POFUT2: variants seen among roughly 807,000 people sequenced by gnomAD.
POFUT2 encodes GDP-fucose protein O-fucosyltransferase 2.
Under a neutral mutation model 55.0 loss-of-function variants are expected in POFUT2, and 30 were observed. That is an observed-to-expected ratio of 0.55 (90% CI 0.41 to 0.74). POFUT2 has a LOEUF of 0.74. Ranked by LOEUF, POFUT2 falls within the 30% of genes least tolerant of loss-of-function variation. The pLI, the probability that POFUT2 is intolerant of heterozygous loss-of-function variation, is 0.00. For missense variants in POFUT2, 524 were observed against 562.6 expected, an observed-to-expected ratio of 0.93 and a Z score of 0.69; for synonymous variants, 267 against 231.1, an observed-to-expected ratio of 1.16 and a Z score of -1.41.
intron 1 of POFUT2, among the ~76,000 whole-genome samples, chr21:45,286,991 G>A (rs1229378601): frequency 2.0e-5 from 3 of 152,130 alleles, no homozygotes; most frequent in Non-Finnish European, 4.4e-5. Flanking sequence ...CGTGTCACTT[G>A]CAGGGGCCTC....
chr21:45,268,819 T>A (rs1602157795), intron 7 of POFUT2, among the ~76,000 whole-genome samples: 1 of 128,020 alleles, frequency 7.8e-6, no homozygotes, highest in Non-Finnish European at 1.6e-5. Context: ...GGTGGGGGGG[T>A]CAGCCCTCCG....
In POFUT2 at chr21:45,267,972, CTCTCCCTCTCCT is replaced by C. The variant is rs900323378; in HGVS notation, c.1013-271_1013-260del. Among the ~76,000 whole-genome samples, 14 of 152,120 alleles carry C rather than the reference CTCTCCCTCTCCT, an allele frequency of 9.2e-5. No homozygotes were observed. Among genetic ancestry groups the C allele is most frequent in the Non-Finnish European group, 1.5e-4 (10 of 67,966 alleles). On this transcript the variant is annotated intron_variant, in intron 7 of 8. Coordinates refer to ENST00000349485, the MANE Select transcript of POFUT2 (RefSeq NM_133635.6). The surrounding 1 kb of genome is among the most constrained non-coding windows in gnomAD (Gnocchi z 4.4). ...AGAAGAAAGGAAAGAAACGTGCTCC[CTCTCCCTCTCCT>C]TCTCCCTCTCCCTCTCCCCACGGTC...
chr21:45,274,622 C>G (rs1481651948), intron 6 of POFUT2, among the ~76,000 whole-genome samples: 2 of 152,108 alleles, frequency 1.3e-5, no homozygotes, highest in Non-Finnish European at 2.9e-5. Context: ...GGTACCTAGA[C>G]CAGTGGAGCA....
Position 45,267,761 on chromosome 21 carries a change from G to A in POFUT2, c.1013-48C>T. On this transcript the variant is annotated intron_variant, in intron 7 of 8. Coordinates refer to ENST00000349485, the MANE Select transcript of POFUT2 (RefSeq NM_133635.6). The surrounding 1 kb of genome is among the most constrained non-coding windows in gnomAD (Gnocchi z 4.4). ...CTTTGAACCGGGATCCTCCAGTAAG[G>A]ACAGATACGTGACTCTTTAGCAGAC... The A allele has an allele frequency of 6.5e-7, 1 of 1,538,870 alleles. No individual in the cohort carries two copies. Among genetic ancestry groups the A allele is most frequent in the Non-Finnish European group, 9.0e-7 (1 of 1,115,894 alleles).
rs1237096419 is a variant in POFUT2 at position 45,267,087 on chromosome 21, C to T, written c.1136+503G>A. On this transcript the variant is annotated intron_variant, in intron 8 of 8. Coordinates refer to ENST00000349485, the MANE Select transcript of POFUT2 (RefSeq NM_133635.6). This position sits in a 1 kb window ranked among gnomAD's most constrained non-coding sequence, Gnocchi z 4.4. ...ACGCTCCCGGCCTCGGGGACGCTCA[C>T]GGCAGCCCCACAAGAACGATCACAC... The T allele has an allele frequency of 8.0e-6, 9 of 1,128,830 alleles. No individual in the cohort carries two copies. The highest frequency in any genetic ancestry group is 4.4e-5 in the South Asian group (2 of 45,856). 69.9% of individuals were successfully genotyped at this position (1,128,830 alleles called of 1,614,324 possible). A position where few individuals can be genotyped will look rare whatever the true frequency, so the allele number is the denominator to read the frequency against.
rs1013431991 is a variant in POFUT2 at position 45,265,713 on chromosome 21, G to T, written c.1137-78C>A. On this transcript the variant is annotated intron_variant, in intron 8 of 8. Coordinates refer to ENST00000349485, the MANE Select transcript of POFUT2 (RefSeq NM_133635.6). The surrounding 1 kb of genome is among the most constrained non-coding windows in gnomAD (Gnocchi z 4.6). ...TTCCAGAGTCAGGGAGAACTGAGAG[G>T]AGCAGCTGAGTGAAATGAGTTCCAC... 126 of 1,529,698 alleles carry T rather than the reference G, an allele frequency of 8.2e-5. 1 individual carries two copies. Among genetic ancestry groups the T allele is most frequent in the Non-Finnish European group, 1.1e-4 (124 of 1,143,748 alleles). 94.8% of individuals were successfully genotyped at this position (1,529,698 alleles called of 1,614,324 possible).
chr21:45,267,606 T>C lies in POFUT2; in HGVS notation c.1120A>G (p.Ile374Val). The C allele has an allele frequency of 6.2e-7, 1 of 1,614,156 alleles. No individual in the cohort carries two copies. The highest frequency in any genetic ancestry group is 8.5e-7 in the Non-Finnish European group (1 of 1,180,030). ...GGCAGGCACCTGGCGTGTGCGCAGATCCACTGGTCAATAATCGCAACGCCT... is the reference window on the plus strand; with the variant it reads ...GGCAGGCACCTGGCGTGTGCGCAGACCCACTGGTCAATAATCGCAACGCCT... ...DGGVAIIDQW[I>V]CAHARFFIGT... Residue 374 changes from isoleucine to valine, a missense_variant, in exon 8 of 9, where the codon ATC becomes GTC. Transcript: ENST00000349485. This position sits in a 1 kb window ranked among gnomAD's most constrained non-coding sequence, Gnocchi z 4.4.
At position 45,265,927 on chromosome 21, in the gene POFUT2, C is replaced by T; in HGVS notation, c.1137-292G>A. ...CCCACCGCATGTCCCCCTGGGAGCC[C>T]TCCTCTCCGTCACCAAATCCCAGGC... On this transcript the variant is annotated intron_variant, in intron 8 of 8. Coordinates refer to ENST00000349485, the MANE Select transcript of POFUT2 (RefSeq NM_133635.6). This position sits in a 1 kb window ranked among gnomAD's most constrained non-coding sequence, Gnocchi z 4.6. 7.8e-7 allele frequency: 1 copy of T among 1,283,304 alleles called. No individual in the cohort carries two copies. The highest frequency in any genetic ancestry group is 1.0e-6 in the Non-Finnish European group (1 of 1,002,200). The allele number at this position is 1,283,304 out of a possible 1,614,324, so 79.5% of individuals were successfully genotyped here. A position where few individuals can be genotyped will look rare whatever the true frequency, so the allele number is the denominator to read the frequency against.
Position 45,277,654 on chromosome 21 carries a change from C to T in POFUT2, c.705+449G>A, listed in dbSNP as rs1171731165. On this transcript the variant is annotated intron_variant, in intron 5 of 8. Coordinates refer to ENST00000349485, the MANE Select transcript of POFUT2 (RefSeq NM_133635.6). This position sits in a 1 kb window ranked among gnomAD's most constrained non-coding sequence, Gnocchi z 6.9. Reference sequence around the variant, plus strand: ...GTCCACGGGAGGGGGCAGCCACTTCCCGCCCTCTGCTCCCACTCACTCACA... The same window carrying T: ...GTCCACGGGAGGGGGCAGCCACTTCTCGCCCTCTGCTCCCACTCACTCACA... 4.4e-6 allele frequency: 1 copy of T among 225,434 alleles called. No homozygotes were observed. The highest frequency in any genetic ancestry group is 8.9e-6 in the Non-Finnish European group (1 of 112,540). 14.0% of individuals were successfully genotyped at this position (225,434 alleles called of 1,614,324 possible).
intron 8 of POFUT2, chr21:45,266,967 A>C: frequency 9.7e-7 from 1 of 1,029,312 alleles, no homozygotes; most frequent in Non-Finnish European, 1.2e-6. Context: ...CGTACCTCCC[A>C]CAGCAACCCC....
At chr21:45,278,880 T>A (rs1459238703) in intron 4 of POFUT2, among the ~76,000 whole-genome samples, 2 of 152,168 alleles carry the variant, frequency 1.3e-5, no homozygotes, top group African/African-American at 2.4e-5. Flanking sequence ...GTCTGACAAG[T>A]CATCCTGGTG....
rs73910608 is a variant in POFUT2 at position 45,283,495 on chromosome 21, C to G, written c.415G>C (p.Val139Leu). The change falls in exon 3 of 9, where the codon GTC becomes CTC. Residue 139 changes from valine (V) to leucine (L), a missense_variant. By Grantham distance (32) the Val-to-Leu change is conservative (BLOSUM62 1). Transcript: ENST00000349485. ...CACCCCTCTGCGTAACTTTGCAGGA[C>G]GTAAACCTGGTCAATAAAGGGCCCA... ...SGGPFIDQVY[V>L]LQSYAEGWKE... 1 of 1,613,860 alleles carries G rather than the reference C, an allele frequency of 6.2e-7. No individual in the cohort carries two copies. The highest frequency in any genetic ancestry group is 8.5e-7 in the Non-Finnish European group (1 of 1,179,924).
At chr21:45,283,795 T>C (rs113908111) in intron 2 of POFUT2, among the ~76,000 whole-genome samples, 2,332 of 152,140 alleles carry the variant, frequency 0.015, 67 homozygotes, top group African/African-American at 0.054. Flanking sequence ...GCAGGCCCCA[T>C]CCTCACAGGG....
At position 45,267,063 on chromosome 21, in the gene POFUT2, C is replaced by T. The variant is rs967069161; in HGVS notation, c.1136+527G>A. 1.1e-4 allele frequency: 121 copies of T among 1,100,060 alleles called. No individual in the cohort carries two copies. In the Middle Eastern group the frequency reaches 1.7e-3, roughly 16 times the overall value. The allele number at this position is 1,100,060 out of a possible 1,614,324, so 68.1% of individuals were successfully genotyped here. Reference sequence around the variant, plus strand: ...ACGAGAATGATCACACGAGGGCCCACGCTCCCGGCCTCGGGGACGCTCACG... The same window carrying T: ...ACGAGAATGATCACACGAGGGCCCATGCTCCCGGCCTCGGGGACGCTCACG... On this transcript the variant is annotated intron_variant, in intron 8 of 8. Coordinates refer to ENST00000349485, the MANE Select transcript of POFUT2 (RefSeq NM_133635.6). This position sits in a 1 kb window ranked among gnomAD's most constrained non-coding sequence, Gnocchi z 4.4.
intron 7 of POFUT2, among the ~76,000 whole-genome samples, chr21:45,268,930 T>C (rs370534643): frequency 5.5e-4 from 43 of 77,844 alleles, no homozygotes; most frequent in South Asian, 2.0e-3. Flanking sequence ...GCCCCCCGCC[T>C]GGCCAGCCGC....
chr21:45,266,378 C>G, intron 8 of POFUT2: 1 of 1,256,186 alleles, frequency 8.0e-7, no homozygotes, highest in Non-Finnish European at 1.0e-6. Flanking sequence ...ACCCCACACA[C>G]AGGGGCCTGC....
intron 4 of POFUT2, among the ~76,000 whole-genome samples, 192 bp from the exon 5 acceptor site, chr21:45,278,361 G>GCC (rs1336117432): frequency 1.3e-5 from 2 of 152,210 alleles, no homozygotes; most frequent in Non-Finnish European, 2.9e-5. Flanking sequence ...CCACACCACG[G>GCC]TTCTGAGAGG....
At position 45,265,433 on chromosome 21, in the gene POFUT2, C is replaced by T. The variant is rs769652085; in HGVS notation, c.*49G>A. 2 of 1,519,102 alleles carry T rather than the reference C, an allele frequency of 1.3e-6. No individual in the cohort carries two copies. The highest frequency in any genetic ancestry group is 1.8e-6 in the Non-Finnish European group (2 of 1,117,382). The allele number at this position is 1,519,102 out of a possible 1,614,324, so 94.1% of individuals were successfully genotyped here. On this transcript the variant is annotated 3_prime_UTR_variant, in exon 9 of 9. Transcript: ENST00000349485. The surrounding 1 kb of genome is among the most constrained non-coding windows in gnomAD (Gnocchi z 4.6). ...GGTGACTCCACGGCGACAGAACCTGCATCCACCCGCGCCTGTCGGGTCCGG... is the reference window on the plus strand; with the variant it reads ...GGTGACTCCACGGCGACAGAACCTGTATCCACCCGCGCCTGTCGGGTCCGG...
chr21:45,273,083 A>G (rs1462387703), intron 6 of POFUT2, among the ~76,000 whole-genome samples: 1 of 152,194 alleles, frequency 6.6e-6, no homozygotes, highest in East Asian at 1.9e-4. Flanking sequence ...AAAAAATACA[A>G]AAGTTAAATG....
Sources: gnomAD v4.1 joint callset for allele counts (sites outside exome capture counted in the v4.1 genomes callset) on GRCh38, gnomAD v4.1.1 for gene constraint, Gnocchi (gnomAD v3.1) non-coding constraint, MANE v1.5 for transcripts, NCBI Gene and HGNC (gene_info 2026-07-23, HGNC 2026-07-21) for gene names.